Variants in ATP8A1 observed in about 807,000 individuals in gnomAD.
The protein encoded by ATP8A1 is ATPase phospholipid transporting 8A1.
In ATP8A1, 90 loss-of-function variants were observed where a neutral mutation model predicts 177.7. The ratio of observed to expected loss-of-function variants is 0.51; its 90% CI spans 0.43 to 0.60. ATP8A1 has a LOEUF of 0.60. ATP8A1 is among the 20% of genes least tolerant of loss of function. ATP8A1 has a pLI of 0.00. For synonymous variants in ATP8A1, 493 were observed against 485.9 expected, an observed-to-expected ratio of 1.01 and a Z score of -0.19; for missense variants, 1,072 against 1,392.8, an observed-to-expected ratio of 0.77 and a Z score of 3.67.
chr4:42,418,828 A>G (rs1280973334), intron 35 of ATP8A1, among the ~76,000 whole-genome samples: 1 of 152,252 alleles, frequency 6.6e-6, no homozygotes, highest in Non-Finnish European at 1.5e-5. Flanking sequence ...TATTTCCACT[A>G]AAAATGGCTG....
rs547276630 is a variant in ATP8A1, at chr4:42,645,991, C to G, written c.49+10834G>C. The stretch of plus-strand genomic sequence containing the variant: ...AGGGAACTGGAAAGGGCCAACTAGT[C>G]GCAGCCACTGGAATAACAATACAAT... On this transcript the variant is annotated intron_variant, in intron 1 of 36. Transcript: ENST00000381668. Among the ~76,000 whole-genome samples, 5 of 151,926 alleles carry G rather than the reference C, an allele frequency of 3.3e-5. No homozygotes were observed. The South Asian group carries it at 8.4e-4, about 25-fold the overall frequency.
chr4:42,531,388 A>T (rs769255056), intron 20 of ATP8A1, among the ~76,000 whole-genome samples: 1 of 152,230 alleles, frequency 6.6e-6, no homozygotes, highest in Non-Finnish European at 1.5e-5. Flanking sequence ...ACCAGTTACG[A>T]CTACATGACC....
chr4:42,424,860 G>A (rs141728815), intron 33 of ATP8A1, among the ~76,000 whole-genome samples: 2 of 152,236 alleles, frequency 1.3e-5, no homozygotes, highest in Non-Finnish European at 2.9e-5. Context: ...ATAAAAACAT[G>A]CTATTACAAA....
At chr4:42,440,308 A>C (rs891488727) in intron 33 of ATP8A1, among the ~76,000 whole-genome samples, 1 of 149,336 alleles carries the variant, frequency 6.7e-6, no homozygotes, top group African/African-American at 2.5e-5. Context: ...AAATCAGGTC[A>C]TGACACTTCC....
At chr4:42,479,996 T>TTTTGTG (rs1553883643) in intron 25 of ATP8A1, among the ~76,000 whole-genome samples, 10 of 135,590 alleles carry the variant, frequency 7.4e-5, no homozygotes, top group African/African-American at 2.8e-4. Flanking sequence ...GCAGTTCTGC[T>TTTTGTG]TGTGTGTGTG....
intron 1 of ATP8A1, among the ~76,000 whole-genome samples, chr4:42,636,400 G>A (rs1553920820): frequency 1.0e-5 from 1 of 98,454 alleles, no homozygotes; most frequent in Non-Finnish European, 2.6e-5. Context: ...TCAGAGACGG[G>A]TAGGGGGAGA....
rs1489656409 is a variant in ATP8A1 at position 42,555,990 on chromosome 4, A to G, written c.1391T>C (p.Leu464Pro). 1.3e-5 allele frequency: 21 copies of G among 1,611,146 alleles called. No individual in the cohort carries two copies. The highest frequency in any genetic ancestry group is 1.8e-5 in the Non-Finnish European group (21 of 1,178,506). ...TACATGATTATTTTGGAGATTTTCC[A>G]GCAATGATGAATCACTAAATGTTTT... ...DEKTFSDSSL[L>P]ENLQNNHPTA... Residue 464 changes from leucine to proline, a missense_variant, in exon 16 of 37, where the codon CTG becomes CCG. Coordinates refer to ENST00000381668, the MANE Select transcript of ATP8A1 (RefSeq NM_006095.2).
chr4:42,648,678 AATT>A (rs1048270254), intron 1 of ATP8A1, among the ~76,000 whole-genome samples: 3 of 152,176 alleles, frequency 2.0e-5, no homozygotes, highest in Admixed American at 6.5e-5. Context: ...ACTTCATAAA[AATT>A]AATTTACATA....
Position 42,522,169 on chromosome 4 carries a change from CAACTCAT to C in ATP8A1, c.1931_1937del (p.Tyr644Ter). 1 of 1,607,190 alleles carries C rather than the reference CAACTCAT, an allele frequency of 6.2e-7. No homozygotes were observed. The highest frequency in any genetic ancestry group is 8.5e-7 in the Non-Finnish European group (1 of 1,178,318). Reference sequence around the variant, plus strand: ...AGAATCATCCACGTACCTTTTCAATCAACTCATAACTCTCTTCGAGTTTGAGTAGCCT... The same window carrying C: ...AGAATCATCCACGTACCTTTTCAATCAACTCTCTTCGAGTTTGAGTAGCCT... On this transcript the variant is annotated frameshift_variant, in exon 22 of 37. Coordinates refer to ENST00000381668, the MANE Select transcript of ATP8A1 (RefSeq NM_006095.2). LOFTEE classifies it high-confidence loss of function.
At chr4:42,442,814 G>A (rs983966845) in intron 33 of ATP8A1, among the ~76,000 whole-genome samples, 1 of 152,222 alleles carries the variant, frequency 6.6e-6, no homozygotes, top group African/African-American at 2.4e-5. Flanking sequence ...CTGTCACGGA[G>A]CTCACATTAC....
intron 35 of ATP8A1, among the ~76,000 whole-genome samples, chr4:42,422,007 C>G (rs1274774663): frequency 2.6e-5 from 4 of 151,926 alleles, no homozygotes; most frequent in Non-Finnish European, 5.9e-5. Flanking sequence ...TGATACATAT[C>G]TAGGTCAGTT....
intron 14 of ATP8A1, among the ~76,000 whole-genome samples, chr4:42,573,747 C>T (rs1732139906): frequency 6.6e-6 from 1 of 152,168 alleles, no homozygotes. Flanking sequence ...CAAAATGTAA[C>T]ACTCTTTGTC....
chr4:42,464,582 G>C (rs1432043456), intron 27 of ATP8A1, 108 bp downstream of exon 27: 9 of 660,344 alleles, frequency 1.4e-5, no homozygotes, highest in Non-Finnish European at 2.0e-5. Context: ...TTTATAAAGA[G>C]TTGGCAAATA....
intron 10 of ATP8A1, 143 bp from the exon 11 acceptor site, chr4:42,580,121 C>A: frequency 1.8e-6 from 1 of 562,078 alleles, no homozygotes; most frequent in Non-Finnish European, 3.0e-6. Flanking sequence ...AAACCCATGA[C>A]AAATGTAATA....
chr4:42,646,951 T>C (rs933755429), intron 1 of ATP8A1, among the ~76,000 whole-genome samples: 2 of 152,218 alleles, frequency 1.3e-5, no homozygotes, highest in Non-Finnish European at 2.9e-5. Flanking sequence ...AAGAGTTTTA[T>C]CTACTTCACA....
chr4:42,646,495 G>T (rs1172485412), intron 1 of ATP8A1, among the ~76,000 whole-genome samples: 2 of 152,202 alleles, frequency 1.3e-5, no homozygotes, highest in Admixed American at 1.3e-4. Context: ...TTTACTTCAG[G>T]ACCAGAATTA....
intron 15 of ATP8A1, among the ~76,000 whole-genome samples, chr4:42,564,779 A>G (rs905916381): frequency 3.9e-5 from 6 of 152,174 alleles, no homozygotes; most frequent in African/African-American, 1.2e-4. Context: ...ATTGTTAGGA[A>G]GGCATGATTG....
chr4:42,587,310 CTTT>C lies in ATP8A1; in HGVS notation c.595-837_595-835del, dbSNP rs991848308. ...CTTGTTGTACAGCTTCTTTTCTTTT[CTTT>C]TTTTTTTTTTTTGAGACGGAGTGTC... On this transcript the variant is annotated intron_variant, in intron 8 of 36. Coordinates refer to ENST00000381668, the MANE Select transcript of ATP8A1 (RefSeq NM_006095.2). Among the ~76,000 whole-genome samples the C allele has an allele frequency of 5.6e-3, 770 of 137,386 alleles. 3 individuals carry two copies. Among genetic ancestry groups the C allele is most frequent in the Non-Finnish European group, 8.9e-3 (557 of 62,848 alleles). 90.1% of individuals were successfully genotyped at this position (137,386 alleles called of 152,430 possible). A position where few individuals can be genotyped will look rare whatever the true frequency, so the allele number is the denominator to read the frequency against.
At chr4:42,648,838 C>T (rs1057253594) in intron 1 of ATP8A1, among the ~76,000 whole-genome samples, 5 of 151,844 alleles carry the variant, frequency 3.3e-5, no homozygotes, top group Admixed American at 6.6e-5. Flanking sequence ...TATGTTAAAC[C>T]TAATAAAGCA....
Sources: gnomAD v4.1 joint callset for allele counts (sites outside exome capture counted in the v4.1 genomes callset) on GRCh38, gnomAD v4.1.1 for gene constraint, MANE v1.5 for transcripts, NCBI Gene and HGNC (gene_info 2026-07-23, HGNC 2026-07-21) for gene names.